Variants in ZC2HC1A observed in about 807,000 individuals in gnomAD.
ZC2HC1A encodes the protein zinc finger C2HC-type containing 1A, also known as zinc finger C2HC domain-containing protein 1A.
ZC2HC1A carries 28 observed loss-of-function variants against 40.7 expected under a neutral mutation model. The observed-to-expected ratio is 0.69, with a 90% CI of 0.51 to 0.94. The LOEUF (loss-of-function observed/expected upper bound fraction) is 0.94, where lower values mean the gene tolerates loss of function less well. Among genes scored for constraint, ZC2HC1A ranks in the 40% least tolerant of loss-of-function variants. The probability of loss-of-function intolerance (pLI) is 0.00; values close to 1 mark genes in which losing one functional copy is unlikely to be tolerated. For missense variants in ZC2HC1A, 389 were observed against 386.3 expected (o/e 1.01, Z -0.06); for synonymous variants, 129 against 129.2 (o/e 1.00, Z 0.01).
rs570949889 is a variant in ZC2HC1A at position 78,666,260 on chromosome 8, G to T, written c.16+96G>T. 3.4e-4 allele frequency: 524 copies of T among 1,530,192 alleles called. 4 individuals are homozygous for T. In the African/African-American group the frequency reaches 6.6e-3, roughly 19 times the overall value. 94.8% of individuals were successfully genotyped at this position (1,530,192 alleles called of 1,614,324 possible). On this transcript the variant is annotated intron_variant, in intron 1 of 8. Coordinates refer to ENST00000263849, the MANE Select transcript of ZC2HC1A (RefSeq NM_016010.3). ...GTAGCAGGAAGGCGAGGGCTGGTTC[G>T]GTGCGGCGGACCTCGCCGCGTCCCG...
intron 7 of ZC2HC1A, among the ~76,000 whole-genome samples, chr8:78,706,903 T>G (rs1005434048): frequency 2.0e-5 from 3 of 152,044 alleles, no homozygotes; most frequent in Non-Finnish European, 4.4e-5. Context: ...ACCAACAATA[T>G]CTTTTGAGTT....
intron 5 of ZC2HC1A, among the ~76,000 whole-genome samples, chr8:78,696,577 GAAAGT>G (rs1036467841): frequency 2.0e-5 from 3 of 152,094 alleles, no homozygotes; most frequent in Non-Finnish European, 2.9e-5. Flanking sequence ...CTCAAAAAGA[GAAAGT>G]AAAATAAAAT....
In ZC2HC1A at chr8:78,689,260, G is replaced by A; in HGVS notation, c.391G>A (p.Glu131Lys). 1 of 1,591,228 alleles carries A rather than the reference G, an allele frequency of 6.3e-7. No individual in the cohort carries two copies. Among genetic ancestry groups the A allele is most frequent in the Non-Finnish European group, 8.6e-7 (1 of 1,168,920 alleles). The change falls in exon 5 of 9, where the codon GAA (glutamate) becomes AAA (lysine). Residue 131 changes from glutamate to lysine, a missense_variant. Transcript: ENST00000263849. ...QCPYCQRRFNENAADRHINFC... is the reference protein window; with the variant it reads ...QCPYCQRRFNKNAADRHINFC... Reference sequence around the variant, plus strand: ...TCCATATTGTCAGAGGAGATTCAATGAAAATGCAGCTGATAGACATATAAA... The same window carrying A: ...TCCATATTGTCAGAGGAGATTCAATAAAAATGCAGCTGATAGACATATAAA...
At chr8:78,688,450 A>G (rs1225096111) in intron 4 of ZC2HC1A, among the ~76,000 whole-genome samples, 1 of 152,056 alleles carries the variant, frequency 6.6e-6, no homozygotes, top group East Asian at 1.9e-4. Context: ...AAAAGGGCAA[A>G]CTCTGTATCA....
chr8:78,680,490 G>A (rs931452343), intron 3 of ZC2HC1A, among the ~76,000 whole-genome samples: 6 of 152,058 alleles, frequency 3.9e-5, no homozygotes, highest in Admixed American at 1.3e-4. Flanking sequence ...TGGGTGAGTC[G>A]TATGCACATT....
chr8:78,709,928 TG>T (rs1325732109), intron 7 of ZC2HC1A, among the ~76,000 whole-genome samples: 1 of 152,120 alleles, frequency 6.6e-6, no homozygotes, highest in African/African-American at 2.4e-5. Context: ...ATCATCTTTT[TG>T]TTATATCTCA....
chr8:78,691,478 T>C (rs960693758), intron 5 of ZC2HC1A, among the ~76,000 whole-genome samples: 1 of 152,150 alleles, frequency 6.6e-6, no homozygotes, highest in African/African-American at 2.4e-5. Context: ...ATATGTGTTT[T>C]TGCATTGCTA....
At chr8:78,670,198 C>T (rs896589557) in intron 1 of ZC2HC1A, among the ~76,000 whole-genome samples, 4 of 151,962 alleles carry the variant, frequency 2.6e-5, no homozygotes, top group Non-Finnish European at 5.9e-5. Flanking sequence ...AACTCCTGAC[C>T]TCAGGTGGTC....
intron 7 of ZC2HC1A, chr8:78,712,036 CA>C (rs1379041365): frequency 7.8e-7 from 1 of 1,289,564 alleles, no homozygotes. Context: ...AAGACTTGTG[CA>C]AAGGTTGTAT....
At chr8:78,678,763 A>G in intron 3 of ZC2HC1A, 84 bp downstream of exon 3, 1 of 850,450 alleles carries the variant, frequency 1.2e-6, no homozygotes, top group Non-Finnish European at 1.8e-6. Context: ...AGTAAGGTTA[A>G]GAATAAACAC....
chr8:78,704,463 T>C (rs944478991), intron 7 of ZC2HC1A, among the ~76,000 whole-genome samples: 1 of 151,200 alleles, frequency 6.6e-6, no homozygotes, highest in African/African-American at 2.4e-5. Flanking sequence ...CACTGAGAGG[T>C]CTGCTGTTAG....
At position 78,666,089 on chromosome 8, in the gene ZC2HC1A, A is replaced by C; in HGVS notation, c.-60A>C. On this transcript the variant is annotated 5_prime_UTR_variant, in exon 1 of 9. Transcript: ENST00000263849. Reference sequence around the variant, plus strand: ...GAGGTGCGGCTGGGTTGCTACAGCCAGAGCTGGGCGGTGGCGGGCGCTGCT... The same window carrying C: ...GAGGTGCGGCTGGGTTGCTACAGCCCGAGCTGGGCGGTGGCGGGCGCTGCT... 2 of 1,553,498 alleles carry C rather than the reference A, an allele frequency of 1.3e-6. No individual in the cohort carries two copies. The highest frequency in any genetic ancestry group is 1.7e-6 in the Non-Finnish European group (2 of 1,148,522).
At chr8:78,668,873 G>A (rs1415728679) in intron 1 of ZC2HC1A, among the ~76,000 whole-genome samples, 1 of 151,270 alleles carries the variant, frequency 6.6e-6, no homozygotes, top group Non-Finnish European at 1.5e-5. Flanking sequence ...AATCTAAGCA[G>A]ATTTTATCCT....
intron 3 of ZC2HC1A, among the ~76,000 whole-genome samples, chr8:78,681,602 G>T (rs1250103981): frequency 6.6e-6 from 1 of 152,120 alleles, no homozygotes; most frequent in East Asian, 1.9e-4. Flanking sequence ...CCCTGAAAGA[G>T]TTTGTGTAAT....
At chr8:78,695,237 A>G (rs924857875) in intron 5 of ZC2HC1A, among the ~76,000 whole-genome samples, 2 of 152,220 alleles carry the variant, frequency 1.3e-5, no homozygotes, top group African/African-American at 2.4e-5. Context: ...AAACTCAACA[A>G]TAAAATTTAG....
In ZC2HC1A at chr8:78,718,045, A is replaced by G. The variant is rs1811160930; in HGVS notation, c.*552A>G. On this transcript the variant is annotated 3_prime_UTR_variant, in exon 9 of 9. Coordinates refer to ENST00000263849, the MANE Select transcript of ZC2HC1A (RefSeq NM_016010.3). Reference sequence around the variant, plus strand: ...AATTATTTCATAAATCCGAAAAACTAAGAGAAAAAAAAACCCCTCTATTAG... The same window carrying G: ...AATTATTTCATAAATCCGAAAAACTGAGAGAAAAAAAAACCCCTCTATTAG... The G allele has an allele frequency of 6.6e-6, 1 of 152,042 alleles. No individual in the cohort carries two copies. Among genetic ancestry groups the G allele is most frequent in the Admixed American group, 6.6e-5 (1 of 15,264 alleles). The allele number at this position is 152,042 out of a possible 1,614,324, so 9.4% of individuals were successfully genotyped here. A position where few individuals can be genotyped will look rare whatever the true frequency, so the allele number is the denominator to read the frequency against.
chr8:78,709,846 A>G (rs947101337), intron 7 of ZC2HC1A, among the ~76,000 whole-genome samples: 10 of 152,236 alleles, frequency 6.6e-5, no homozygotes, highest in African/African-American at 2.2e-4. Flanking sequence ...GCCTTATAGC[A>G]TCATAACAAC....
chr8:78,702,197 G>A (rs565618783), intron 7 of ZC2HC1A, among the ~76,000 whole-genome samples: 2 of 152,146 alleles, frequency 1.3e-5, no homozygotes, highest in East Asian at 1.9e-4. Flanking sequence ...GTTCAGTCTT[G>A]GGAGGGTGTA....
rs1188219419 is a variant in ZC2HC1A at position 78,691,387 on chromosome 8, T to C, written c.504+2014T>C. Among the ~76,000 whole-genome samples the C allele has an allele frequency of 2.0e-5, 3 of 152,200 alleles. No homozygotes were observed. The East Asian group carries it at 5.8e-4, about 29-fold the overall frequency. ...CCTTTTTGTCTGTGGCAATATTTGT[T>C]GTGTTGCAGTATGTTTCATGTGATA... On this transcript the variant is annotated intron_variant, in intron 5 of 8. Coordinates refer to ENST00000263849, the MANE Select transcript of ZC2HC1A (RefSeq NM_016010.3).
Sources: allele counts gnomAD v4.1 joint callset (sites outside exome capture counted in the v4.1 genomes callset), GRCh38; gene constraint gnomAD v4.1.1; transcripts MANE v1.5; gene names NCBI Gene and HGNC (gene_info 2026-07-23, HGNC 2026-07-21).